NRG3: variants seen among roughly 807,000 people sequenced by gnomAD.
The protein encoded by NRG3 is pro-neuregulin-3, membrane-bound isoform.
In NRG3, 31 loss-of-function variants were observed where a neutral mutation model predicts 66.9. The observed-to-expected ratio is 0.46, with a 90% CI of 0.35 to 0.63. The LOEUF (loss-of-function observed/expected upper bound fraction) is 0.63. Among genes scored for constraint, NRG3 ranks in the 20% least tolerant of loss-of-function variants. The probability of loss-of-function intolerance (pLI) is 0.00; values close to 1 mark genes in which losing one functional copy is unlikely to be tolerated. For missense variants in NRG3, 910 were observed against 878.9 expected (o/e 1.04, Z -0.45); for synonymous variants, 393 against 359.4 (o/e 1.09, Z -1.06).
chr10:82,805,102 G>T (rs1274338339), intron 3 of NRG3, among the ~76,000 whole-genome samples: 3 of 152,168 alleles, frequency 2.0e-5, no homozygotes, highest in African/African-American at 7.2e-5. Context: ...TGTGACAAAT[G>T]AAGGTTTTGT....
intron 3 of NRG3, among the ~76,000 whole-genome samples, chr10:82,809,941 GT>G (rs71009824): frequency 0.12 from 17,355 of 146,104 alleles, 1,076 homozygotes; most frequent in South Asian, 0.22. Context: ...TTCTACACAG[GT>G]TTTTTTTTTT....
intron 4 of NRG3, among the ~76,000 whole-genome samples, chr10:82,874,101 T>G (rs937463593): frequency 6.6e-6 from 1 of 152,112 alleles, no homozygotes; most frequent in Non-Finnish European, 1.5e-5. Context: ...GGTTTAGAAT[T>G]GATAGAATAT....
At chr10:82,807,018 T>C (rs2061316759) in intron 3 of NRG3, among the ~76,000 whole-genome samples, 1 of 152,242 alleles carries the variant, frequency 6.6e-6, no homozygotes, top group Admixed American at 6.5e-5. Context: ...ATTACAGCTT[T>C]CCACACATTG....
At chr10:82,234,149 C>T (rs1688974993) in intron 1 of NRG3, among the ~76,000 whole-genome samples, 1 of 152,184 alleles carries the variant, frequency 6.6e-6, no homozygotes, top group Admixed American at 6.5e-5. Flanking sequence ...AAATGCCTTC[C>T]TAGCATAACC....
chr10:82,173,753 C>G (rs765112878), intron 1 of NRG3, among the ~76,000 whole-genome samples: 2 of 150,734 alleles, frequency 1.3e-5, no homozygotes, highest in African/African-American at 2.4e-5. Context: ...ACACAAAGAT[C>G]AACACTTACG....
At chr10:82,648,721 C>T (rs541416185) in intron 2 of NRG3, among the ~76,000 whole-genome samples, 9 of 152,118 alleles carry the variant, frequency 5.9e-5, no homozygotes, top group African/African-American at 1.9e-4. Context: ...AGGTCCTTCA[C>T]GTCCCTTGTA....
intron 2 of NRG3, among the ~76,000 whole-genome samples, chr10:82,663,037 G>T (rs899697182): frequency 2.0e-5 from 3 of 152,218 alleles, no homozygotes; most frequent in African/African-American, 7.2e-5. Flanking sequence ...ATGATTAGAT[G>T]TACTCATTGC....
At chr10:82,383,273 C>T (rs2135876454) in intron 2 of NRG3, among the ~76,000 whole-genome samples, 1 of 151,734 alleles carries the variant, frequency 6.6e-6, no homozygotes, top group Non-Finnish European at 1.5e-5. Flanking sequence ...TTCATAAAAT[C>T]AAAATTTGTT....
At chr10:82,860,334 GT>G (rs1394359701) in intron 3 of NRG3, among the ~76,000 whole-genome samples, 1 of 152,140 alleles carries the variant, frequency 6.6e-6, no homozygotes, top group Non-Finnish European at 1.5e-5. Flanking sequence ...AAAGCAACTT[GT>G]TCTCTTAAGT....
chr10:82,016,429 A>G (rs2061789935), intron 1 of NRG3, among the ~76,000 whole-genome samples: 1 of 152,092 alleles, frequency 6.6e-6, no homozygotes, highest in Non-Finnish European at 1.5e-5. Context: ...GGCAGGCAGT[A>G]AGCATGCGAG....
chr10:81,947,693 T>C (rs1848973135), intron 1 of NRG3, among the ~76,000 whole-genome samples: 1 of 152,028 alleles, frequency 6.6e-6, no homozygotes, highest in African/African-American at 2.4e-5. Context: ...TATGGTAACA[T>C]AATAGATTTC....
chr10:82,638,020 A>T (rs906995999), intron 2 of NRG3, among the ~76,000 whole-genome samples: 7 of 152,226 alleles, frequency 4.6e-5, no homozygotes, highest in African/African-American at 1.4e-4. Context: ...GCAGGAAAAA[A>T]CATTCCTTTC....
At chr10:82,309,807 A>G (rs1173049185) in intron 1 of NRG3, among the ~76,000 whole-genome samples, 1 of 152,154 alleles carries the variant, frequency 6.6e-6, no homozygotes, top group Non-Finnish European at 1.5e-5. Flanking sequence ...TGAGCAGGTA[A>G]ATTGGAAGGT....
At chr10:82,760,216 C>T (rs1422727270) in intron 3 of NRG3, among the ~76,000 whole-genome samples, 5 of 152,028 alleles carry the variant, frequency 3.3e-5, no homozygotes, top group African/African-American at 1.2e-4. Flanking sequence ...AAACACAGGG[C>T]CCCAGTAGAG....
intron 5 of NRG3, among the ~76,000 whole-genome samples, chr10:82,955,511 A>G (rs1849959474): frequency 6.6e-6 from 1 of 151,878 alleles, no homozygotes; most frequent in Admixed American, 6.6e-5. Context: ...TAGAGTTCTT[A>G]GCAGAGCTTG....
At chr10:82,623,690 C>T (rs1331559037) in intron 2 of NRG3, among the ~76,000 whole-genome samples, 2 of 152,098 alleles carry the variant, frequency 1.3e-5, no homozygotes, top group Non-Finnish European at 2.9e-5. Flanking sequence ...AATGTAAAGC[C>T]TTTTCCTTCC....
intron 1 of NRG3, among the ~76,000 whole-genome samples, chr10:82,356,702 CAT>C (rs1377596359): frequency 5.9e-5 from 9 of 152,272 alleles, no homozygotes; most frequent in Middle Eastern, 6.8e-3. Context: ...ATATGAGTAA[CAT>C]ATGTGTGAGG....
intron 1 of NRG3, among the ~76,000 whole-genome samples, chr10:82,354,374 A>T (rs1202801272): frequency 4.7e-5 from 7 of 147,716 alleles, no homozygotes. Flanking sequence ...AATTAGAAAA[A>T]TGCTGTATAA....
intron 1 of NRG3, among the ~76,000 whole-genome samples, chr10:82,055,595 T>A (rs186334160): frequency 9.7e-4 from 148 of 152,224 alleles, no homozygotes; most frequent in Non-Finnish European, 1.9e-3. Flanking sequence ...ATTATTTAAT[T>A]TTTTTATCTA....
Sources: allele counts gnomAD v4.1 joint callset (sites outside exome capture counted in the v4.1 genomes callset), GRCh38; gene constraint gnomAD v4.1.1; transcripts MANE v1.5; gene names NCBI Gene and HGNC (gene_info 2026-07-23, HGNC 2026-07-21).